Variants in AGBL4 observed in about 807,000 individuals in gnomAD.
AGBL4 encodes AGBL carboxypeptidase 4.
In AGBL4, 58 loss-of-function variants were observed where a neutral mutation model predicts 66.4. The observed-to-expected ratio is 0.87, with a 90% CI of 0.71 to 1.09. The LOEUF is 1.09. Ranked by LOEUF, AGBL4 falls within the 50% of genes least tolerant of loss-of-function variation. The probability of loss-of-function intolerance (pLI) is 0.00; values close to 1 mark genes in which losing one functional copy is unlikely to be tolerated. For missense variants in AGBL4, 579 were observed against 631.0 expected (o/e 0.92, Z 0.88); for synonymous variants, 234 against 222.9 (o/e 1.05, Z -0.44).
intron 4 of AGBL4, among the ~76,000 whole-genome samples, chr1:49,084,933 T>A (rs182150505): frequency 6.6e-6 from 1 of 152,292 alleles, no homozygotes. Context: ...TCTCTTCACT[T>A]ACCTACTATG....
Position 49,165,633 on chromosome 1 carries a change from A to C in AGBL4, c.377+80137T>G, listed in dbSNP as rs1035190770. On this transcript the variant is annotated intron_variant, in intron 4 of 13. Coordinates refer to ENST00000371839, the MANE Select transcript of AGBL4 (RefSeq NM_032785.4). ...AAATGGTACAGAAGAACAGACAAGA[A>C]AGGGAAAAGAAGGAGGGAGGGAATG... 3.3e-5 allele frequency among the ~76,000 whole-genome samples: 5 copies of C among 151,932 alleles called. No homozygotes were observed. In the South Asian group the frequency reaches 1.0e-3, roughly 32 times the overall value.
intron 4 of AGBL4, among the ~76,000 whole-genome samples, chr1:49,217,298 C>A (rs1375795545): frequency 6.6e-6 from 1 of 152,058 alleles, no homozygotes; most frequent in African/African-American, 2.4e-5. Context: ...CCTTCCTCCA[C>A]CCCCATTTAC....
At chr1:48,769,265 A>T (rs750981398) in intron 6 of AGBL4, among the ~76,000 whole-genome samples, 40 of 152,184 alleles carry the variant, frequency 2.6e-4, no homozygotes, top group Non-Finnish European at 5.4e-4. Context: ...ACATAGGGAG[A>T]GAAGGAATTG....
intron 1 of AGBL4, among the ~76,000 whole-genome samples, chr1:49,961,345 C>T (rs1657105151): frequency 6.6e-6 from 1 of 151,728 alleles, no homozygotes; most frequent in Admixed American, 6.6e-5. Context: ...ACCATCTCTA[C>T]AAAAAATAAA....
At chr1:49,130,446 G>C (rs941517735) in intron 4 of AGBL4, among the ~76,000 whole-genome samples, 4 of 152,114 alleles carry the variant, frequency 2.6e-5, no homozygotes, top group African/African-American at 9.7e-5. Context: ...TATGGTTTTA[G>C]GTCTAACGTT....
At chr1:49,994,861 T>A (rs1660244244) in intron 1 of AGBL4, 5 of 338,288 alleles carry the variant, frequency 1.5e-5, no homozygotes, top group South Asian at 1.2e-4. Context: ...CCAATACACA[T>A]CCTCACTGGG....
At chr1:49,247,138 T>C (rs1321072140) in intron 3 of AGBL4, among the ~76,000 whole-genome samples, 1 of 152,096 alleles carries the variant, frequency 6.6e-6, no homozygotes, top group Non-Finnish European at 1.5e-5. Context: ...TTTTTACTCT[T>C]GAGTTAATCA....
intron 3 of AGBL4, among the ~76,000 whole-genome samples, chr1:49,628,304 A>T (rs1645503189): frequency 6.6e-6 from 1 of 152,144 alleles, no homozygotes; most frequent in Admixed American, 6.5e-5. Flanking sequence ...GGGACAGAGG[A>T]ACTTTTCACA....
intron 5 of AGBL4, among the ~76,000 whole-genome samples, chr1:49,033,781 T>A (rs2149039056): frequency 6.6e-6 from 1 of 152,170 alleles, no homozygotes; most frequent in South Asian, 2.1e-4. Context: ...TTCTCCATTC[T>A]CTTTCCTCTG....
intron 4 of AGBL4, among the ~76,000 whole-genome samples, chr1:49,186,182 C>A (rs1412247808): frequency 6.6e-6 from 1 of 152,136 alleles, no homozygotes; most frequent in East Asian, 1.9e-4. Context: ...ACCCTGCCTC[C>A]CCTATGCATA....
chr1:48,701,187 C>A (rs1646794758), intron 6 of AGBL4, among the ~76,000 whole-genome samples: 1 of 152,094 alleles, frequency 6.6e-6, no homozygotes, highest in South Asian at 2.1e-4. Context: ...TAAGAGCCAG[C>A]CTTAGTCTTC....
chr1:48,951,355 G>A (rs1221074019), intron 5 of AGBL4, among the ~76,000 whole-genome samples: 1 of 152,162 alleles, frequency 6.6e-6, no homozygotes, highest in Non-Finnish European at 1.5e-5. Context: ...AAGAGAGTTG[G>A]AGGGGAAGCT....
intron 3 of AGBL4, among the ~76,000 whole-genome samples, chr1:49,646,332 C>G (rs537836345): frequency 3.7e-4 from 56 of 152,004 alleles, no homozygotes; most frequent in African/African-American, 1.3e-3. Flanking sequence ...AATAAGTGAG[C>G]TCAGCAAGAT....
At chr1:49,986,032 C>T (rs1218465477) in intron 1 of AGBL4, among the ~76,000 whole-genome samples, 1 of 152,086 alleles carries the variant, frequency 6.6e-6, no homozygotes, top group Non-Finnish European at 1.5e-5. Context: ...CATAAGAAAT[C>T]TCTTGAGTTA....
chr1:49,041,006 G>A (rs776595147), intron 5 of AGBL4, among the ~76,000 whole-genome samples: 2 of 151,940 alleles, frequency 1.3e-5, no homozygotes, highest in Non-Finnish European at 2.9e-5. Flanking sequence ...GGCAGATCAC[G>A]GTTTTAAATA....
intron 3 of AGBL4, among the ~76,000 whole-genome samples, chr1:49,636,254 G>T (rs1334246853): frequency 6.6e-6 from 1 of 152,206 alleles, no homozygotes. Flanking sequence ...GGTGCCAGCA[G>T]ATCTGGCATT....
chr1:49,074,513 C>T lies in AGBL4; in HGVS notation c.378-28713G>A, dbSNP rs144303514. On this transcript the variant is annotated intron_variant, in intron 4 of 13. Transcript: ENST00000371839. ...GCTGCAGACTGGAGCTGTTCCTATT[C>T]GACCATCTTGCCAGAAATCCATGGC... is the stretch of plus-strand genomic sequence containing the variant. Among the ~76,000 whole-genome samples, 51 of 152,244 alleles carry T rather than the reference C, an allele frequency of 3.3e-4. No homozygotes were observed. The East Asian group carries it at 7.9e-3, about 24-fold the overall frequency.
chr1:48,932,269 T>C (rs997049700), intron 5 of AGBL4, among the ~76,000 whole-genome samples: 1 of 152,200 alleles, frequency 6.6e-6, no homozygotes, highest in Non-Finnish European at 1.5e-5. Flanking sequence ...AGACCACAGG[T>C]TGAAGAAGGA....
intron 1 of AGBL4, among the ~76,000 whole-genome samples, chr1:49,922,669 A>G (rs1349889182): frequency 6.6e-6 from 1 of 152,152 alleles, no homozygotes; most frequent in Non-Finnish European, 1.5e-5. Context: ...CAAACCAACA[A>G]CAGCCAAGCC....
Sources: gnomAD v4.1 joint callset for allele counts (sites outside exome capture counted in the v4.1 genomes callset) on GRCh38, gnomAD v4.1.1 for gene constraint, MANE v1.5 for transcripts, NCBI Gene and HGNC (gene_info 2026-07-23, HGNC 2026-07-21) for gene names.